The following UVRAG variants were observed in gnomAD, a reference collection of about 807,000 sequenced individuals.
UVRAG encodes the protein UV radiation resistance associated, also known as UV radiation resistance-associated gene protein.
Under a neutral mutation model 78.0 loss-of-function variants are expected in UVRAG, and 19 were observed. The observed-to-expected ratio is 0.24, with a 90% CI of 0.17 to 0.36. UVRAG has a LOEUF of 0.36. Among genes scored for constraint, UVRAG ranks in the 10% least tolerant of loss-of-function variants. The pLI, the probability that UVRAG is intolerant of heterozygous loss-of-function variation, is 1.00. For synonymous variants in UVRAG, 323 were observed against 324.6 expected (o/e 1.00, Z 0.05); for missense variants, 740 against 853.8 (o/e 0.87, Z 1.66).
At chr11:76,055,451 A>G (rs1950963347) in intron 12 of UVRAG, among the ~76,000 whole-genome samples, 1 of 152,218 alleles carries the variant, frequency 6.6e-6, no homozygotes, top group African/African-American at 2.4e-5. Flanking sequence ...GAAAAGTTGA[A>G]AGAATCTTGT....
intron 12 of UVRAG, among the ~76,000 whole-genome samples, chr11:76,037,964 A>G (rs998654898): frequency 6.6e-6 from 1 of 152,162 alleles, no homozygotes; most frequent in Admixed American, 6.5e-5. Flanking sequence ...AAAACAAACA[A>G]AAGGTAACAA....
At chr11:76,128,471 G>T (rs1392039411) in intron 14 of UVRAG, among the ~76,000 whole-genome samples, 5 of 152,188 alleles carry the variant, frequency 3.3e-5, no homozygotes, top group Non-Finnish European at 7.3e-5. Flanking sequence ...TATCCTTCTG[G>T]ATCGAATGCA....
chr11:75,922,427 TTTTTTTAAGGAAAGCTCTCC>T (rs1352326514), intron 6 of UVRAG, among the ~76,000 whole-genome samples: 2 of 152,108 alleles, frequency 1.3e-5, no homozygotes, highest in Non-Finnish European at 2.9e-5. Flanking sequence ...ATTGCTATTG[TTTTTTTAAGGAAAGCTCTCC>T]TTTTTTGGCA....
chr11:76,123,723 A>G (rs1952332662), intron 14 of UVRAG, among the ~76,000 whole-genome samples: 1 of 152,150 alleles, frequency 6.6e-6, no homozygotes, highest in East Asian at 1.9e-4. Flanking sequence ...TTTCAACGCT[A>G]TCACTTAATT....
At chr11:75,965,428 C>T (rs1032953990) in intron 7 of UVRAG, among the ~76,000 whole-genome samples, 95 of 152,340 alleles carry the variant, frequency 6.2e-4, no homozygotes, top group African/African-American at 2.1e-3. Context: ...TCTCCTGCCT[C>T]AGCCTCCCGA....
chr11:75,979,093 C>T (rs1263710986), intron 7 of UVRAG, among the ~76,000 whole-genome samples: 1 of 152,202 alleles, frequency 6.6e-6, no homozygotes, highest in East Asian at 1.9e-4. Context: ...TTCCTTCTAA[C>T]ACTCAGGACC....
chr11:75,960,326 C>T (rs374825828), intron 6 of UVRAG, among the ~76,000 whole-genome samples: 6 of 151,470 alleles, frequency 4.0e-5, no homozygotes, highest in African/African-American at 1.5e-4. Flanking sequence ...GACCTTATAT[C>T]CCATGACCTT....
At chr11:75,977,496 G>A (rs924035231) in intron 7 of UVRAG, among the ~76,000 whole-genome samples, 1 of 152,126 alleles carries the variant, frequency 6.6e-6, no homozygotes, top group African/African-American at 2.4e-5. Context: ...TTATTATTGT[G>A]TGGGACTCTA....
chr11:75,978,357 C>G (rs1949301701), intron 7 of UVRAG, among the ~76,000 whole-genome samples: 1 of 152,122 alleles, frequency 6.6e-6, no homozygotes, highest in East Asian at 1.9e-4. Context: ...TGGAGTTGCT[C>G]TTCTCGAGGA....
chr11:75,924,395 T>G (rs1948044380), intron 6 of UVRAG, among the ~76,000 whole-genome samples: 1 of 149,928 alleles, frequency 6.7e-6, no homozygotes, highest in African/African-American at 2.4e-5. Flanking sequence ...TTTGTTTTTG[T>G]TTTTTTTTGT....
At chr11:76,044,333 C>T (rs988481421) in intron 12 of UVRAG, among the ~76,000 whole-genome samples, 4 of 152,198 alleles carry the variant, frequency 2.6e-5, no homozygotes, top group Admixed American at 2.6e-4. Flanking sequence ...TTAACCAGTA[C>T]ATATAAAGCC....
At chr11:75,977,443 G>A (rs1223805447) in intron 7 of UVRAG, among the ~76,000 whole-genome samples, 6 of 152,092 alleles carry the variant, frequency 3.9e-5, no homozygotes, top group African/African-American at 7.2e-5. Context: ...TTTCTGTCTC[G>A]TTGATCTGTC....
chr11:75,866,472 C>A (rs1020005808), intron 3 of UVRAG, among the ~76,000 whole-genome samples: 2 of 151,816 alleles, frequency 1.3e-5, no homozygotes, highest in African/African-American at 4.8e-5. Context: ...CCCTTGAGCC[C>A]AGGAATTTGA....
At chr11:75,949,692 C>CATATATATAT (rs35234096) in intron 6 of UVRAG, among the ~76,000 whole-genome samples, 1 of 140,166 alleles carries the variant, frequency 7.1e-6, no homozygotes, top group African/African-American at 2.6e-5. Context: ...CAATAAAATA[C>CATATATATAT]ATATATATAT....
chr11:76,060,656 G>C (rs937478549), intron 12 of UVRAG, among the ~76,000 whole-genome samples: 1 of 152,220 alleles, frequency 6.6e-6, no homozygotes, highest in Non-Finnish European at 1.5e-5. Flanking sequence ...CCCGCACTCG[G>C]AGTGGCCGGC....
chr11:75,871,137 G>A (rs1267102518), intron 3 of UVRAG, among the ~76,000 whole-genome samples: 6 of 152,096 alleles, frequency 3.9e-5, no homozygotes, highest in Non-Finnish European at 5.9e-5. Context: ...GCCTCCCAAA[G>A]TGCTGGGATT....
chr11:76,038,298 G>GA (rs1227456130), intron 12 of UVRAG, among the ~76,000 whole-genome samples: 2 of 151,464 alleles, frequency 1.3e-5, no homozygotes, highest in African/African-American at 2.4e-5. Flanking sequence ...CATGAAAATG[G>GA]AAAAAAATTC....
intron 7 of UVRAG, among the ~76,000 whole-genome samples, chr11:75,972,620 C>T (rs1949146873): frequency 6.6e-6 from 1 of 152,152 alleles, no homozygotes. Flanking sequence ...ATCTGTTTGT[C>T]TGTTCTTTTA....
At chr11:76,102,568 C>T (rs909066460) in intron 13 of UVRAG, among the ~76,000 whole-genome samples, 42 of 152,240 alleles carry the variant, frequency 2.8e-4, no homozygotes, top group African/African-American at 9.6e-4. Context: ...ATTTATTTCT[C>T]TTGCCCAGTT....
Sources: gnomAD v4.1 joint callset for allele counts (sites outside exome capture counted in the v4.1 genomes callset) on GRCh38, gnomAD v4.1.1 for gene constraint, MANE v1.5 for transcripts, NCBI Gene and HGNC (gene_info 2026-07-23, HGNC 2026-07-21) for gene names.